Variants in MICU3 observed in about 807,000 individuals in gnomAD.
The protein encoded by MICU3 is calcium uptake protein 3, mitochondrial.
Under a neutral mutation model 66.5 loss-of-function variants are expected in MICU3, and 62 were observed. The ratio of observed to expected loss-of-function variants is 0.93; its 90% CI spans 0.76 to 1.15. The LOEUF is 1.15. MICU3 is among the 50% of genes most tolerant of loss of function. The pLI is 0.00. For synonymous variants in MICU3, 308 were observed against 240.7 expected, an observed-to-expected ratio of 1.28 and a Z score of -2.59; for missense variants, 779 against 664.4, an observed-to-expected ratio of 1.17 and a Z score of -1.90.
chr8:17,048,473 A>G (rs1288048520), intron 1 of MICU3, among the ~76,000 whole-genome samples: 2 of 152,204 alleles, frequency 1.3e-5, no homozygotes, highest in African/African-American at 2.4e-5. Flanking sequence ...CTTATTCACT[A>G]TCACAAGAAC....
chr8:17,126,950 G>A (rs963484581), downstream of MICU3, among the ~76,000 whole-genome samples: 3 of 152,136 alleles, frequency 2.0e-5, no homozygotes, highest in African/African-American at 7.2e-5. Flanking sequence ...TTTACCATCA[G>A]AGACAAATGA....
chr8:17,113,256 A>G (rs911692481), intron 11 of MICU3, among the ~76,000 whole-genome samples: 1 of 152,060 alleles, frequency 6.6e-6, no homozygotes, highest in East Asian at 1.9e-4. Flanking sequence ...TTAGGCCTCA[A>G]CTCGGCCTTC....
intron 3 of MICU3, among the ~76,000 whole-genome samples, chr8:17,073,098 C>T (rs1468208067): frequency 6.6e-6 from 1 of 152,042 alleles, no homozygotes; most frequent in Non-Finnish European, 1.5e-5. Flanking sequence ...GCTCTGTCAC[C>T]CAGGCTGGGG....
chr8:17,053,176 T>G (rs1402923358), intron 1 of MICU3, among the ~76,000 whole-genome samples: 3 of 152,168 alleles, frequency 2.0e-5, no homozygotes, highest in African/African-American at 7.2e-5. Context: ...GTTTCACGGT[T>G]GCTAAAAGGT....
intron 5 of MICU3, chr8:17,082,038 A>C (rs1821260667): frequency 4.2e-6 from 1 of 236,600 alleles, no homozygotes; most frequent in Non-Finnish European, 8.2e-6. Flanking sequence ...ATAATTTATA[A>C]ATTCCCTACT....
intron 5 of MICU3, among the ~76,000 whole-genome samples, chr8:17,084,537 C>T (rs6996466): frequency 0.15 from 22,087 of 151,928 alleles, 2,044 homozygotes; most frequent in East Asian, 0.38. Flanking sequence ...GAGAAGGGCA[C>T]GTCCACTGAG....
At chr8:17,040,361 A>G (rs1585185784) in intron 1 of MICU3, among the ~76,000 whole-genome samples, 1 of 152,200 alleles carries the variant, frequency 6.6e-6, no homozygotes, top group Non-Finnish European at 1.5e-5. Context: ...AATAAATTAC[A>G]ATTTTTCTAA....
chr8:17,130,752 C>A, the MICU3 span, among the ~76,000 whole-genome samples: 1 of 151,770 alleles, frequency 6.6e-6, no homozygotes, highest in Non-Finnish European at 1.5e-5. Flanking sequence ...AAATGGCTAA[C>A]CCATAACGCA....
intron 10 of MICU3, among the ~76,000 whole-genome samples, chr8:17,104,941 G>T (rs1246410832): frequency 3.1e-5 from 1 of 32,700 alleles, no homozygotes; most frequent in East Asian, 6.2e-4. Context: ...CTTGCAGTGA[G>T]CCGAGATGGC....
At chr8:17,138,573 C>A in the MICU3 span, among the ~76,000 whole-genome samples, 2 of 152,096 alleles carry the variant, frequency 1.3e-5, no homozygotes, top group Non-Finnish European at 2.9e-5. Context: ...CCTCACTTTT[C>A]GGTAATATAC....
intron 5 of MICU3, among the ~76,000 whole-genome samples, chr8:17,084,858 G>A (rs1585408772): frequency 1.3e-5 from 2 of 151,722 alleles, no homozygotes; most frequent in African/African-American, 2.4e-5. Context: ...CCCAAGAATC[G>A]GAACTAGTTC....
intron 6 of MICU3, among the ~76,000 whole-genome samples, chr8:17,086,235 A>G (rs1277097785): frequency 6.6e-6 from 1 of 152,040 alleles, no homozygotes; most frequent in Non-Finnish European, 1.5e-5. Context: ...CTTCATATTT[A>G]CTTCAGAAGC....
At chr8:17,130,282 T>C in the MICU3 span, among the ~76,000 whole-genome samples, 1 of 152,138 alleles carries the variant, frequency 6.6e-6, no homozygotes, top group Non-Finnish European at 1.5e-5. Context: ...CCCAGCACTT[T>C]GGGGGACTGA....
intron 1 of MICU3, among the ~76,000 whole-genome samples, chr8:17,048,400 G>T (rs1044684363): frequency 6.6e-6 from 1 of 152,152 alleles, no homozygotes; most frequent in Non-Finnish European, 1.5e-5. Context: ...CTTACATGGA[G>T]GCAGGAAAGA....
At chr8:17,107,914 G>A (rs1419615841) in intron 11 of MICU3, among the ~76,000 whole-genome samples, 1 of 152,130 alleles carries the variant, frequency 6.6e-6, no homozygotes, top group Non-Finnish European at 1.5e-5. Flanking sequence ...TAGATTTTAG[G>A]TGGCCTGGCT....
chr8:17,060,909 A>T (rs1313557237), intron 1 of MICU3, among the ~76,000 whole-genome samples: 1 of 151,874 alleles, frequency 6.6e-6, no homozygotes, highest in Admixed American at 6.6e-5. Flanking sequence ...TACCATTGTC[A>T]AAAGCCCCAC....
downstream of MICU3, among the ~76,000 whole-genome samples, chr8:17,125,079 T>A (rs1803369648): frequency 2.6e-5 from 4 of 152,160 alleles, no homozygotes. Context: ...TTGTTTTCTC[T>A]GCTCAGTTTT....
rs149591983 is a variant in MICU3, at chr8:17,048,586, T to C, written c.382-15498T>C. 5.3e-5 allele frequency among the ~76,000 whole-genome samples: 8 copies of C among 152,310 alleles called. No individual in the cohort carries two copies. The East Asian group carries it at 9.7e-4, about 18-fold the overall frequency. On this transcript the variant is annotated intron_variant, in intron 1 of 14. Coordinates refer to ENST00000318063, the MANE Select transcript of MICU3 (RefSeq NM_181723.3). The stretch of plus-strand genomic sequence containing the variant: ...CTACAATTCAAGATGAGATTTTGAA[T>C]TGAATCTTCTTCACAACTACCACTT...
At chr8:17,081,776 C>T in intron 5 of MICU3, 36 bp downstream of exon 5, 1 of 861,854 alleles carries the variant, frequency 1.2e-6, no homozygotes, top group East Asian at 3.1e-5. Context: ...CTGGATGCAG[C>T]TTTATTTTTT....
Sources: allele counts gnomAD v4.1 joint callset (sites outside exome capture counted in the v4.1 genomes callset), GRCh38; gene constraint gnomAD v4.1.1; transcripts MANE v1.5; gene names NCBI Gene and HGNC (gene_info 2026-07-23, HGNC 2026-07-21).